The following AKAP13 variants were observed in gnomAD, a reference collection of about 807,000 sequenced individuals.
The protein encoded by AKAP13 is A-kinase anchor protein 13.
AKAP13 carries 80 observed loss-of-function variants against 264.5 expected under a neutral mutation model. The ratio of observed to expected loss-of-function variants is 0.30; its 90% CI spans 0.25 to 0.36. AKAP13 has a LOEUF of 0.36. Ranked by LOEUF, AKAP13 falls within the 10% of genes least tolerant of loss-of-function variation. AKAP13 has a pLI of 1.00. For missense variants in AKAP13, 3,712 were observed against 3,435.2 expected, an observed-to-expected ratio of 1.08 and a Z score of -2.01; for synonymous variants, 1,380 against 1,250.2, an observed-to-expected ratio of 1.10 and a Z score of -2.19.
chr15:85,599,548 A>T (rs963101445), intron 8 of AKAP13, among the ~76,000 whole-genome samples: 28 of 152,126 alleles, frequency 1.8e-4, no homozygotes, highest in Admixed American at 1.7e-3. Flanking sequence ...TTTTGGTCTC[A>T]TCTTGGGGAG....
rs2089417980 is a variant in AKAP13 at position 85,747,946 on chromosome 15, T to C, written c.*3269T>C. 1 of 152,954 alleles carries C rather than the reference T, an allele frequency of 6.5e-6. No homozygotes were observed. Among genetic ancestry groups the C allele is most frequent in the African/African-American group, 2.4e-5 (1 of 41,424 alleles). 9.5% of individuals were successfully genotyped at this position (152,954 alleles called of 1,614,324 possible). ...TCGTGAGCACAAAGTTTTGAGACCT[T>C]TGGCGTTGTTTCTTGATGTGGGAGG... On this transcript the variant is annotated 3_prime_UTR_variant, in exon 37 of 37. Transcript: ENST00000394518.
chr15:85,429,853 C>A (rs902705062), intron 1 of AKAP13, among the ~76,000 whole-genome samples: 1 of 152,164 alleles, frequency 6.6e-6, no homozygotes, highest in African/African-American at 2.4e-5. Flanking sequence ...CTTTAGTTCT[C>A]CAAAGCATGT....
Position 85,727,107 on chromosome 15 carries a change from G to A in AKAP13, c.6864G>A (p.Val2288=), listed in dbSNP as rs764666606. The change falls in exon 28 of 37, where the codon GTG becomes GTA. Residue 2288 remains valine, a synonymous_variant. Transcript: ENST00000394518. This position sits in a 1 kb window ranked among gnomAD's most constrained non-coding sequence, Gnocchi z 5.3. ...STVISLKKLI[V]REVAHEEKGL... Reference sequence around the variant, plus strand: ...TGATCTCTTTAAAGAAGCTGATTGTGAGAGAAGTGGCACATGAGGAGAAAG... The same window carrying A: ...TGATCTCTTTAAAGAAGCTGATTGTAAGAGAAGTGGCACATGAGGAGAAAG... 6.2e-7 allele frequency: 1 copy of A among 1,614,230 alleles called. No homozygotes were observed. Among genetic ancestry groups the A allele is most frequent in the Non-Finnish European group, 8.5e-7 (1 of 1,180,030 alleles).
chr15:85,554,829 G>T (rs1443011772), intron 5 of AKAP13, among the ~76,000 whole-genome samples: 1 of 152,188 alleles, frequency 6.6e-6, no homozygotes, highest in East Asian at 1.9e-4. Context: ...ATGGTAAGGT[G>T]AGAGTAAGGA....
intron 2 of AKAP13, among the ~76,000 whole-genome samples, chr15:85,503,552 A>G (rs1488153600): frequency 1.3e-5 from 2 of 152,272 alleles, no homozygotes; most frequent in East Asian, 1.9e-4. Context: ...AGGTGATTCA[A>G]CTTGACCTGC....
intron 8 of AKAP13, among the ~76,000 whole-genome samples, chr15:85,609,197 G>A (rs1321102198): frequency 6.6e-6 from 1 of 152,016 alleles, no homozygotes; most frequent in East Asian, 1.9e-4. Context: ...GTCACCCTTC[G>A]GTGTGATGGA....
At position 85,409,924 on chromosome 15, in the gene AKAP13, C is replaced by T. The variant is rs1030202794; in HGVS notation, c.-12+29126C>T. Among the ~76,000 whole-genome samples the T allele has an allele frequency of 1.8e-4, 27 of 151,496 alleles. 1 individual carries two copies. The highest frequency in any genetic ancestry group is 6.4e-4 in the African/African-American group (26 of 40,886). ...GGGATTACAGGCGTGAGACACCGCG[C>T]CTGGCCTGATGCAGCTAGTAGTTTT... is the stretch of plus-strand genomic sequence containing the variant. On this transcript the variant is annotated intron_variant, in intron 1 of 36. Coordinates refer to ENST00000394518, the MANE Select transcript of AKAP13 (RefSeq NM_007200.5).
At chr15:85,406,118 C>T (rs1350065135) in intron 1 of AKAP13, among the ~76,000 whole-genome samples, 1 of 152,202 alleles carries the variant, frequency 6.6e-6, no homozygotes, top group Non-Finnish European at 1.5e-5. Flanking sequence ...TCCCAAAGTG[C>T]TGGGATTATA....
intron 2 of AKAP13, among the ~76,000 whole-genome samples, chr15:85,517,642 AC>A (rs2076656648): frequency 6.6e-6 from 1 of 151,790 alleles, no homozygotes; most frequent in African/African-American, 2.4e-5. Flanking sequence ...ACCATTTAAA[AC>A]CCCATTTTAA....
chr15:85,681,099 T>C (rs1051796387), intron 14 of AKAP13, among the ~76,000 whole-genome samples: 2 of 152,210 alleles, frequency 1.3e-5, no homozygotes, highest in African/African-American at 4.8e-5. Context: ...ATTACAGGCA[T>C]GAGCCACCGC....
At chr15:85,466,530 A>G (rs543012395) in intron 1 of AKAP13, among the ~76,000 whole-genome samples, 250 of 152,268 alleles carry the variant, frequency 1.6e-3, no homozygotes, top group Non-Finnish European at 2.4e-3. Flanking sequence ...TAATTTTCGT[A>G]TAAGGTGTAA....
intron 2 of AKAP13, among the ~76,000 whole-genome samples, chr15:85,512,580 TA>T (rs1186120163): frequency 1.3e-5 from 2 of 152,166 alleles, no homozygotes; most frequent in Non-Finnish European, 2.9e-5. Flanking sequence ...TTAGGAATCC[TA>T]CTTGGATTTG....
At chr15:85,572,462 TTCAC>T (rs1468556249) in intron 5 of AKAP13, among the ~76,000 whole-genome samples, 1 of 152,182 alleles carries the variant, frequency 6.6e-6, no homozygotes, top group Non-Finnish European at 1.5e-5. Flanking sequence ...TTGAGGTCAT[TTCAC>T]TCAGAGTATA....
chr15:85,603,394 A>G (rs1052506336), intron 8 of AKAP13, among the ~76,000 whole-genome samples: 1 of 152,274 alleles, frequency 6.6e-6, no homozygotes, highest in African/African-American at 2.4e-5. Context: ...ATGTCAACAC[A>G]GTAAAAAGGC....
chr15:85,686,208 G>GTGT (rs2084917654), intron 16 of AKAP13, among the ~76,000 whole-genome samples: 2 of 92,226 alleles, frequency 2.2e-5, no homozygotes, highest in Non-Finnish European at 4.7e-5. Context: ...TGTGTGTGTG[G>GTGT]TATATACATG....
intron 2 of AKAP13, among the ~76,000 whole-genome samples, chr15:85,519,505 C>T (rs539906304): frequency 6.6e-6 from 1 of 152,272 alleles, no homozygotes; most frequent in South Asian, 2.1e-4. Context: ...GAAATGGACT[C>T]TTCTCATACA....
rs368792201 is a variant in AKAP13, at chr15:85,738,985, CT to C, written c.7558-1230del. The stretch of plus-strand genomic sequence containing the variant: ...ATACTTCGTAGAGCTTCATATCTTG[CT>C]TTTTTTCCTCTTAATATGCATTAAA... On this transcript the variant is annotated intron_variant, in intron 33 of 36. Coordinates refer to ENST00000394518, the MANE Select transcript of AKAP13 (RefSeq NM_007200.5). Among the ~76,000 whole-genome samples, 64 of 151,896 alleles carry C rather than the reference CT, an allele frequency of 4.2e-4. 1 individual carries two copies. The East Asian group carries it at 0.012, about 29-fold the overall frequency.
intron 1 of AKAP13, among the ~76,000 whole-genome samples, chr15:85,381,133 C>A (rs1478834002): frequency 6.6e-6 from 1 of 152,078 alleles, no homozygotes. Flanking sequence ...AGGCGCTCCG[C>A]CCCCAGCGAG....
intron 14 of AKAP13, among the ~76,000 whole-genome samples, chr15:85,674,487 ACT>A (rs1376340932): frequency 6.6e-5 from 10 of 152,198 alleles, no homozygotes; most frequent in African/African-American, 2.4e-4. Flanking sequence ...CAGAAGGAAT[ACT>A]CTGTGTGTAT....
Sources: allele counts gnomAD v4.1 joint callset (sites outside exome capture counted in the v4.1 genomes callset), GRCh38; gene constraint gnomAD v4.1.1; non-coding constraint Gnocchi (gnomAD v3.1); transcripts MANE v1.5; gene names NCBI Gene and HGNC (gene_info 2026-07-23, HGNC 2026-07-21).